The following PLG variants were observed in gnomAD, a reference collection of about 807,000 sequenced individuals.
The protein encoded by PLG is plasminogen.
A neutral mutation model predicts 104.4 loss-of-function variants in PLG; 41 were observed. The observed-to-expected ratio is 0.39, with a 90% CI of 0.31 to 0.51. PLG has a LOEUF of 0.51. Among genes scored for constraint, PLG ranks in the 20% least tolerant of loss-of-function variants. The pLI is 0.76. For missense variants in PLG, 891 were observed against 1,003.6 expected, an observed-to-expected ratio of 0.89 and a Z score of 1.52; for synonymous variants, 337 against 357.1, an observed-to-expected ratio of 0.94 and a Z score of 0.63.
chr6:160,730,683 T>C (rs1777985187), intron 10 of PLG: 1 of 261,978 alleles, frequency 3.8e-6, no homozygotes, highest in Non-Finnish European at 7.5e-6. Flanking sequence ...GATATACTTT[T>C]ATGTGCATAA....
intron 3 of PLG, among the ~76,000 whole-genome samples, chr6:160,710,772 C>T (rs886763180): frequency 3.3e-5 from 5 of 152,180 alleles, no homozygotes; most frequent in Non-Finnish European, 5.9e-5. Context: ...CTGTAACCCC[C>T]CTGCCTGATT....
At chr6:160,748,405 A>G (rs1175449762) in intron 17 of PLG, among the ~76,000 whole-genome samples, 1 of 59,942 alleles carries the variant, frequency 1.7e-5, no homozygotes, top group Non-Finnish European at 3.4e-5. Context: ...AGAAAGGAAG[A>G]AAGAAAGAAA....
chr6:160,718,297 C>T lies in PLG; in HGVS notation c.791C>T (p.Thr264Ile). Residue 264 changes from threonine (T) to isoleucine (I), a missense_variant, in exon 8 of 19, where the codon ACA (threonine) becomes ATA (isoleucine). Transcript: ENST00000308192. ...WELCDIPRCTTPPPSSGPTYQ... is the reference protein window; with the variant it reads ...WELCDIPRCTIPPPSSGPTYQ... The stretch of plus-strand genomic sequence containing the variant: ...TAACTTATTTTGCCCATTCAAGCAA[C>T]ACCTCCACCATCTTCTGGTCCCACC... The T allele has an allele frequency of 6.2e-7, 1 of 1,613,150 alleles. No homozygotes were observed. The highest frequency in any genetic ancestry group is 8.5e-7 in the Non-Finnish European group (1 of 1,179,040).
intron 3 of PLG, among the ~76,000 whole-genome samples, chr6:160,709,613 G>T (rs1464518161): frequency 6.6e-6 from 1 of 152,128 alleles, no homozygotes; most frequent in African/African-American, 2.4e-5. Flanking sequence ...GTCCTGCTGT[G>T]CCAGCTCCTT....
intron 4 of PLG, chr6:160,711,794 A>T: frequency 6.4e-7 from 1 of 1,563,562 alleles, no homozygotes. Context: ...AAGTAAGCAT[A>T]TCAGGTTAGA....
intron 17 of PLG, among the ~76,000 whole-genome samples, chr6:160,749,677 CCAT>C (rs1447370514): frequency 1.4e-5 from 2 of 148,116 alleles, no homozygotes; most frequent in African/African-American, 2.6e-5. Context: ...ATCACCATAA[CCAT>C]CATCACCACT....
Position 160,714,885 on chromosome 6 carries a change from C to A in PLG, c.639C>A (p.Ser213Arg). ...AATGCCAGGCCTGGGACTCTCAGAG[C>A]CCACACGCTCATGGATACATTCCTT... ...GLECQAWDSQ[S>R]PHAHGYIPSK... Residue 213 changes from serine (S) to arginine (R), a missense_variant, in exon 6 of 19, where the codon AGC becomes AGA. Ser to Arg is a moderately radical substitution (Grantham distance 110). Transcript: ENST00000308192. 1 of 1,613,672 alleles carries A rather than the reference C, an allele frequency of 6.2e-7. No homozygotes were observed. The highest frequency in any genetic ancestry group is 8.5e-7 in the Non-Finnish European group (1 of 1,179,620).
chr6:160,749,303 T>C (rs938694330), intron 17 of PLG, among the ~76,000 whole-genome samples: 1 of 152,040 alleles, frequency 6.6e-6, no homozygotes, highest in African/African-American at 2.4e-5. Flanking sequence ...ACTACCATCA[T>C]CATCCCCACC....
intron 8 of PLG, 71 bp downstream of exon 8, chr6:160,718,527 T>C (rs961333454): frequency 7.1e-7 from 1 of 1,418,128 alleles, no homozygotes; most frequent in Admixed American, 1.7e-5. Flanking sequence ...TAGTTTTAGT[T>C]ACTGTAGGAA....
In PLG at chr6:160,729,293, A is replaced by G. The variant is rs554800139; in HGVS notation, c.1257-1758A>G. 2.0e-5 allele frequency among the ~76,000 whole-genome samples: 3 copies of G among 152,354 alleles called. No homozygotes were observed. In the South Asian group the frequency reaches 6.2e-4, roughly 32 times the overall value. On this transcript the variant is annotated intron_variant, in intron 10 of 18. Transcript: ENST00000308192. ...TGGAGCGAGGATGTGCAGCTCTCGC[A>G]TACGCTGGTTAAAGTACAGTATGCT...
At chr6:160,706,288 A>T in intron 1 of PLG, 119 bp from the exon 2 acceptor site, 1 of 1,325,090 alleles carries the variant, frequency 7.5e-7, no homozygotes, top group South Asian at 1.2e-5. Flanking sequence ...TTCTACTTCC[A>T]GTAAACAGAA....
chr6:160,752,341 G>A lies in PLG; in HGVS notation c.2271+81G>A, dbSNP rs1778417990. The A allele has an allele frequency of 2.2e-6, 3 of 1,370,428 alleles. No individual in the cohort carries two copies. Among genetic ancestry groups the A allele is most frequent in the South Asian group, 1.2e-5 (1 of 85,960 alleles). 84.9% of individuals were successfully genotyped at this position (1,370,428 alleles called of 1,614,324 possible). On this transcript the variant is annotated intron_variant, in intron 18 of 18. Coordinates refer to ENST00000308192, the MANE Select transcript of PLG (RefSeq NM_000301.5). This position sits in a 1 kb window ranked among gnomAD's most constrained non-coding sequence, Gnocchi z 4.7. ...GCCCCTCAGACTTCATTCCCCAGGT[G>A]GCAAATTCAAGGATTTTCAACCGAA...
At chr6:160,706,885 T>C (rs749437832) in intron 2 of PLG, among the ~76,000 whole-genome samples, 7 of 151,500 alleles carry the variant, frequency 4.6e-5, no homozygotes, top group Non-Finnish European at 8.8e-5. Flanking sequence ...CAATGACTTA[T>C]AGCTACAAGA....
At position 160,707,750 on chromosome 6, in the gene PLG, A is replaced by T; in HGVS notation, c.236A>T (p.Asn79Ile). 3 of 1,611,652 alleles carry T rather than the reference A, an allele frequency of 1.9e-6. No individual in the cohort carries two copies. The highest frequency in any genetic ancestry group is 1.7e-6 in the Non-Finnish European group (2 of 1,179,520). ...CAACAATGTGTGATAATGGCTGAAA[A>T]CAGGAAGTCCTCCATAATCATTAGG... ...KEQQCVIMAE[N>I]RKSSIIIRMR... Residue 79 changes from asparagine (N) to isoleucine (I), a missense_variant, in exon 3 of 19, where the codon AAC becomes ATC. Asn to Ile is a moderately radical substitution (Grantham distance 149, BLOSUM62 -3). Around this residue, in one of 2 missense-constraint regions of PLG, gnomAD observed 854 missense variants for 932.1 expected, o/e 0.92. Coordinates refer to ENST00000308192, the MANE Select transcript of PLG (RefSeq NM_000301.5).
chr6:160,734,961 G>T lies in PLG; in HGVS notation c.1681+873G>T, dbSNP rs1194688336. 6.6e-6 allele frequency among the ~76,000 whole-genome samples: 1 copy of T among 152,084 alleles called. No homozygotes were observed. The highest frequency in any genetic ancestry group is 1.5e-5 in the Non-Finnish European group (1 of 68,022). On this transcript the variant is annotated intron_variant, in intron 13 of 18. Coordinates refer to ENST00000308192, the MANE Select transcript of PLG (RefSeq NM_000301.5). This position sits in a 1 kb window ranked among gnomAD's most constrained non-coding sequence, Gnocchi z 4.4. ...CACTGAAGACCAGCATCCTGAGATT[G>T]CCTGGGAAGGTGGTACAGGGCAGTG...
intron 3 of PLG, among the ~76,000 whole-genome samples, chr6:160,710,386 TG>T (rs1200833908): frequency 3.9e-5 from 6 of 151,914 alleles, no homozygotes; most frequent in African/African-American, 1.5e-4. Context: ...ATAACTCACG[TG>T]GGGGGAACAG....
rs1777910726 is a variant in PLG at position 160,725,713 on chromosome 6, AC to A, written c.1256+3147del. 1.3e-5 allele frequency among the ~76,000 whole-genome samples: 2 copies of A among 152,154 alleles called. No homozygotes were observed. The highest frequency in any genetic ancestry group is 4.1e-4 in the South Asian group (2 of 4,832). On this transcript the variant is annotated intron_variant, in intron 10 of 18. Coordinates refer to ENST00000308192, the MANE Select transcript of PLG (RefSeq NM_000301.5). This position sits in a 1 kb window ranked among gnomAD's most constrained non-coding sequence, Gnocchi z 6.3. ...ATCAAAGCCCAATTATGTTCTTTTT[AC>A]TATACATGCTCTTTAATTGTAAAGA... is the stretch of plus-strand genomic sequence containing the variant.
Position 160,707,585 on chromosome 6 carries a change from G to A in PLG, c.186-115G>A, listed in dbSNP as rs4252075. 355,855 of 1,105,764 alleles carry A rather than the reference G, an allele frequency of 0.32. 58,546 individuals carry two copies. Among genetic ancestry groups the A allele is most frequent in the East Asian group, 0.44 (17,716 of 40,582 alleles). The allele number at this position is 1,105,764 out of a possible 1,614,324, so 68.5% of individuals were successfully genotyped here. A position where few individuals can be genotyped will look rare whatever the true frequency, so the allele number is the denominator to read the frequency against. ...TAACTGAAAGAGGCAGCAATTCTGAGCTCTCTGGTCCCTCAAGATATTCAA... is the reference window on the plus strand; with the variant it reads ...TAACTGAAAGAGGCAGCAATTCTGAACTCTCTGGTCCCTCAAGATATTCAA... On this transcript the variant is annotated intron_variant, in intron 2 of 18. Transcript: ENST00000308192.
At chr6:160,709,655 G>C (rs1287671109) in intron 3 of PLG, among the ~76,000 whole-genome samples, 5 of 152,136 alleles carry the variant, frequency 3.3e-5, no homozygotes. Context: ...CAATCATCAT[G>C]TCCTTTGCAA....
Sources: gnomAD v4.1 joint callset for allele counts (sites outside exome capture counted in the v4.1 genomes callset) on GRCh38, gnomAD v4.1.1 for gene constraint, gnomAD v4.1.1 regional missense constraint, Gnocchi (gnomAD v3.1) non-coding constraint, MANE v1.5 for transcripts, NCBI Gene and HGNC (gene_info 2026-07-23, HGNC 2026-07-21) for gene names.